ADGRV1: variants seen among roughly 807,000 people sequenced by gnomAD.
ADGRV1 encodes the protein G-protein coupled receptor 98.
ADGRV1 carries 359 observed loss-of-function variants against 596.2 expected under a neutral mutation model. The ratio of observed to expected loss-of-function variants is 0.60; its 90% CI spans 0.55 to 0.66. The LOEUF (loss-of-function observed/expected upper bound fraction) is 0.66. Among genes scored for constraint, ADGRV1 ranks in the 30% least tolerant of loss-of-function variants. ADGRV1 has a pLI of 0.00. For synonymous variants in ADGRV1, 2,681 were observed against 2,679.2 expected (o/e 1.00, Z -0.02); for missense variants, 7,274 against 7,575.6 (o/e 0.96, Z 1.48).
intron 83 of ADGRV1, among the ~76,000 whole-genome samples, chr5:90,901,360 A>G (rs1171752573): frequency 6.6e-6 from 1 of 152,176 alleles, no homozygotes; most frequent in Admixed American, 6.6e-5. Flanking sequence ...TGGAAGTGAG[A>G]TATGAGTATA....
Position 90,705,387 on chromosome 5 carries a change from C to G in ADGRV1, c.8387-13C>G. On this transcript the variant is annotated splice_polypyrimidine_tract_variant and intron_variant, in intron 36 of 89. Transcript: ENST00000405460. ...TGCCAAATCACTGTTAGATTCCTGC[C>G]TGACATTTTTAGGAGTTCCACCAGC... The G allele has an allele frequency of 6.2e-7, 1 of 1,611,474 alleles. No individual in the cohort carries two copies. Among genetic ancestry groups the G allele is most frequent in the African/African-American group, 1.3e-5 (1 of 74,980 alleles).
At chr5:91,093,276 A>T (rs1020749014) in intron 86 of ADGRV1, among the ~76,000 whole-genome samples, 3 of 152,226 alleles carry the variant, frequency 2.0e-5, no homozygotes, top group African/African-American at 7.2e-5. Context: ...ATATTGCCAC[A>T]GAGCATTTAT....
chr5:90,560,814 A>G (rs765818562), intron 1 of ADGRV1, among the ~76,000 whole-genome samples: 17 of 152,150 alleles, frequency 1.1e-4, no homozygotes, highest in Non-Finnish European at 1.9e-4. Flanking sequence ...TATATTTGTA[A>G]CACAAATGGT....
chr5:90,643,230 G>C (rs540710117), intron 13 of ADGRV1, among the ~76,000 whole-genome samples, 189 bp downstream of exon 13: 39 of 152,174 alleles, frequency 2.6e-4, no homozygotes, highest in African/African-American at 9.1e-4. Context: ...ATATTAGAAT[G>C]GTGTATTTTT....
chr5:90,921,956 C>G (rs887432733), intron 83 of ADGRV1, among the ~76,000 whole-genome samples: 5 of 152,078 alleles, frequency 3.3e-5, no homozygotes, highest in African/African-American at 4.8e-5. Flanking sequence ...AAAACTGACT[C>G]ATAAGCAGGG....
intron 1 of ADGRV1, among the ~76,000 whole-genome samples, chr5:90,587,680 C>T (rs1758949486): frequency 1.3e-5 from 2 of 151,790 alleles, no homozygotes; most frequent in South Asian, 4.2e-4. Context: ...GCTTCAGCTT[C>T]CTGAGAAGCT....
intron 43 of ADGRV1, chr5:90,716,979 G>A (rs1319991552): frequency 7.4e-6 from 2 of 268,790 alleles, no homozygotes; most frequent in Non-Finnish European, 1.4e-5. Flanking sequence ...TATATGTATG[G>A]CTATTTTAAA....
At chr5:90,603,132 T>A (rs781328417) in intron 1 of ADGRV1, among the ~76,000 whole-genome samples, 6 of 152,230 alleles carry the variant, frequency 3.9e-5, no homozygotes, top group Non-Finnish European at 8.8e-5. Flanking sequence ...GACCTCTACC[T>A]GTGCTTCCCA....
chr5:90,973,541 T>A (rs1779261287), intron 84 of ADGRV1, among the ~76,000 whole-genome samples: 2 of 152,102 alleles, frequency 1.3e-5, no homozygotes, highest in Non-Finnish European at 2.9e-5. Context: ...GCAAGGCTGG[T>A]TCAACATATG....
intron 85 of ADGRV1, among the ~76,000 whole-genome samples, chr5:91,014,379 G>T (rs755653651): frequency 7.2e-5 from 11 of 152,028 alleles, no homozygotes; most frequent in Non-Finnish European, 1.0e-4. Context: ...TCAGGATGAT[G>T]CTGGCCTCAT....
intron 83 of ADGRV1, among the ~76,000 whole-genome samples, chr5:90,872,249 T>C (rs1768760310): frequency 6.6e-6 from 1 of 152,210 alleles, no homozygotes; most frequent in Non-Finnish European, 1.5e-5. Context: ...CTGCATTATC[T>C]GTAATGGACA....
intron 84 of ADGRV1, among the ~76,000 whole-genome samples, chr5:90,966,442 G>A (rs988919940): frequency 6.9e-6 from 1 of 143,890 alleles, no homozygotes; most frequent in African/African-American, 2.6e-5. Context: ...TGAGGCAGGA[G>A]AATCACTTGA....
intron 83 of ADGRV1, among the ~76,000 whole-genome samples, chr5:90,927,029 T>C (rs907121862): frequency 2.0e-5 from 3 of 149,400 alleles, no homozygotes; most frequent in Admixed American, 6.6e-5. Context: ...TCTTTTACAT[T>C]TGCTGAGGAG....
chr5:90,646,775 CT>C (rs550562464), intron 16 of ADGRV1, among the ~76,000 whole-genome samples: 1,841 of 96,470 alleles, frequency 0.019, 10 homozygotes, highest in East Asian at 0.037. Flanking sequence ...CTTTCTTCTT[CT>C]TTTTTTTTTT....
chr5:90,730,972 C>T (rs1275715009), intron 50 of ADGRV1, among the ~76,000 whole-genome samples: 2 of 152,110 alleles, frequency 1.3e-5, no homozygotes, highest in Admixed American at 6.5e-5. Context: ...TCAATGTTAC[C>T]ATGCTATGAA....
Position 90,651,701 on chromosome 5 carries a change from A to G in ADGRV1, c.3387A>G (p.Ala1129=), listed in dbSNP as rs1169000809. 1 of 1,612,674 alleles carries G rather than the reference A, an allele frequency of 6.2e-7. No homozygotes were observed. Among genetic ancestry groups the G allele is most frequent in the Non-Finnish European group, 8.5e-7 (1 of 1,179,046 alleles). Reference sequence around the variant, plus strand: ...TTTCTCTGGAGCCCATAGACAAAGCAGTGGAAGAAGGAAAGACTAATGCAT... The same window carrying G: ...TTTCTCTGGAGCCCATAGACAAAGCGGTGGAAGAAGGAAAGACTAATGCAT... ...GIFSLEPIDK[A]VEEGKTNAFW... Residue 1129 remains alanine (A), a synonymous_variant, in exon 18 of 90, where the codon GCA becomes GCG. Coordinates refer to ENST00000405460, the MANE Select transcript of ADGRV1 (RefSeq NM_032119.4).
At chr5:91,127,950 G>A (rs1793907411) in intron 87 of ADGRV1, among the ~76,000 whole-genome samples, 1 of 152,086 alleles carries the variant, frequency 6.6e-6, no homozygotes, top group South Asian at 2.1e-4. Context: ...CTGGAAGTGT[G>A]CCTCTTTGTG....
intron 75 of ADGRV1, among the ~76,000 whole-genome samples, chr5:90,821,174 C>A (rs913822749): frequency 4.6e-5 from 7 of 151,618 alleles, no homozygotes; most frequent in Admixed American, 2.0e-4. Context: ...TTTCATCTTC[C>A]ATTGCTGATA....
chr5:90,709,415 C>T (rs1301433563), intron 39 of ADGRV1, among the ~76,000 whole-genome samples: 1 of 152,148 alleles, frequency 6.6e-6, no homozygotes, highest in African/African-American at 2.4e-5. Flanking sequence ...ACAAACTTAT[C>T]TAGATTCCTT....
Sources: gnomAD v4.1 joint callset for allele counts (sites outside exome capture counted in the v4.1 genomes callset) on GRCh38, gnomAD v4.1.1 for gene constraint, MANE v1.5 for transcripts, NCBI Gene and HGNC (gene_info 2026-07-23, HGNC 2026-07-21) for gene names.